ZNF354A: variants seen among roughly 807,000 people sequenced by gnomAD.
ZNF354A encodes the protein zinc finger protein 354A, also known as epididymis luminal protein 104.
Under a neutral mutation model 53.3 loss-of-function variants are expected in ZNF354A, and 25 were observed. The observed-to-expected ratio is 0.47, with a 90% CI of 0.34 to 0.66. ZNF354A has a LOEUF of 0.66. ZNF354A is among the 30% of genes least tolerant of loss of function. ZNF354A has a pLI of 0.01. For missense variants in ZNF354A, 586 were observed against 716.8 expected (o/e 0.82, Z 2.08); for synonymous variants, 228 against 249.0 (o/e 0.92, Z 0.79).
At chr5:178,719,455 G>A (rs1317334712) in intron 4 of ZNF354A, among the ~76,000 whole-genome samples, 1 of 152,216 alleles carries the variant, frequency 6.6e-6, no homozygotes, top group Non-Finnish European at 1.5e-5. Flanking sequence ...GCAGCAGGAC[G>A]CTGCTGGAGT....
At position 178,712,354 on chromosome 5, in the gene ZNF354A, T is replaced by C. The variant is rs113805764; in HGVS notation, c.1524A>G (p.Ser508=). The C allele has an allele frequency of 0.012, 18,649 of 1,598,600 alleles. 218 individuals carry two copies. The highest frequency in any genetic ancestry group is 0.023 in the Middle Eastern group (137 of 6,030). The change falls in exon 5 of 5, where the codon TCA becomes TCG. Residue 508 remains serine, a synonymous_variant. Transcript: ENST00000335815. Reference sequence around the variant, plus strand: ...TATGAATTCTCTGGTGATTACTAAGTGATGAGTTACACCTGAATGTTTTCC... The same window carrying C: ...TATGAATTCTCTGGTGATTACTAAGCGATGAGTTACACCTGAATGTTTTCC... The part of the protein sequence containing the change: ...ECGKTFRCNS[S]LSNHQRIHTG...
At chr5:178,724,083 A>G (rs1433731639) in intron 4 of ZNF354A, among the ~76,000 whole-genome samples, 1 of 151,806 alleles carries the variant, frequency 6.6e-6, no homozygotes, top group Non-Finnish European at 1.5e-5. Flanking sequence ...CTCAAGTGAA[A>G]TCCATCCCAC....
intron 4 of ZNF354A, among the ~76,000 whole-genome samples, chr5:178,714,241 G>C (rs1765676528): frequency 6.6e-6 from 1 of 152,058 alleles, no homozygotes; most frequent in African/African-American, 2.4e-5. Flanking sequence ...CTGACCTCAA[G>C]TGATCTACCC....
chr5:178,712,224 A>G lies in ZNF354A; in HGVS notation c.1654T>C (p.Cys552Arg), dbSNP rs147425602. Reference sequence around the variant, plus strand: ...CTAAAAGTTTTTCCACATGTATTACATTTAAAGGGTTTTTCTCCTGTATGA... The same window carrying G: ...CTAAAAGTTTTTCCACATGTATTACGTTTAAAGGGTTTTTCTCCTGTATGA... ...RIHTGEKPFK[C>R]NTCGKTFRQS... is the part of the protein sequence containing the mutation. Residue 552 changes from cysteine to arginine, a missense_variant, in exon 5 of 5, where the codon TGT becomes CGT. Physicochemically the swap from Cys to Arg is radical, Grantham distance 180. Coordinates refer to ENST00000335815, the MANE Select transcript of ZNF354A (RefSeq NM_005649.3). 3.3e-5 allele frequency: 54 copies of G among 1,614,012 alleles called. No homozygotes were observed. The highest frequency in any genetic ancestry group is 4.3e-5 in the Non-Finnish European group (51 of 1,180,010).
chr5:178,729,888 G>A (rs1431289635), intron 1 of ZNF354A, among the ~76,000 whole-genome samples: 8 of 89,016 alleles, frequency 9.0e-5, no homozygotes, highest in South Asian at 4.5e-4. Context: ...TTTTTGAGAC[G>A]GAGTCTCGCT....
chr5:178,719,146 G>T (rs1252137862), intron 4 of ZNF354A, among the ~76,000 whole-genome samples: 3 of 152,070 alleles, frequency 2.0e-5, no homozygotes, highest in Non-Finnish European at 4.4e-5. Flanking sequence ...ATTTCAAAAA[G>T]CATTGGTCAC....
chr5:178,727,263 GAAT>G, intron 2 of ZNF354A, 138 bp from the exon 3 acceptor site: 1 of 1,045,862 alleles, frequency 9.6e-7, no homozygotes, highest in Non-Finnish European at 1.3e-6. Context: ...TTCGTTTAAT[GAAT>G]AATTGGCCAG....
chr5:178,725,940 C>T (rs1434954502), intron 3 of ZNF354A: 14 of 255,938 alleles, frequency 5.5e-5, no homozygotes, highest in Admixed American at 4.9e-4. Context: ...CTCCGTCTCC[C>T]GGGTTCAAGT....
At chr5:178,715,163 A>C (rs1183003616) in intron 4 of ZNF354A, among the ~76,000 whole-genome samples, 14 of 152,262 alleles carry the variant, frequency 9.2e-5, no homozygotes, top group Admixed American at 8.5e-4. Flanking sequence ...ACGGTTATGC[A>C]CATAGTCTTA....
intron 4 of ZNF354A, among the ~76,000 whole-genome samples, chr5:178,720,021 C>G (rs1167456115): frequency 6.6e-6 from 1 of 152,156 alleles, no homozygotes; most frequent in Admixed American, 6.5e-5. Flanking sequence ...AAGGAGCAAT[C>G]TGCTGGGAAC....
At chr5:178,726,850 T>C in intron 3 of ZNF354A, 149 bp downstream of exon 3, 1 of 1,233,500 alleles carries the variant, frequency 8.1e-7, no homozygotes, top group Admixed American at 2.8e-5. Context: ...GGGGAATAGG[T>C]TTTTAATGTT....
At chr5:178,728,561 G>A (rs1033946265) in intron 2 of ZNF354A, among the ~76,000 whole-genome samples, 21 of 151,382 alleles carry the variant, frequency 1.4e-4, no homozygotes, top group Non-Finnish European at 2.2e-4. Flanking sequence ...AGGCTGAGGC[G>A]GGTGGATCAC....
In ZNF354A at chr5:178,725,452, T is replaced by C. The variant is rs2113883470; in HGVS notation, c.180A>G (p.Pro60=). 6.2e-7 allele frequency: 1 copy of C among 1,614,210 alleles called. No individual in the cohort carries two copies. Among genetic ancestry groups the C allele is most frequent in the East Asian group, 2.2e-5 (1 of 44,886 alleles). ...LVSLGLPFTK[P]KVISLLQQGE... ...CTTGCTGCAACAGGGAGATCACTTT[T>C]GGTTTGGTAAATGGGAGCCCTGCAC... The change falls in exon 4 of 5, where the codon CCA becomes CCG. Residue 60 remains proline (P), a synonymous_variant. Transcript: ENST00000335815.
intron 4 of ZNF354A, among the ~76,000 whole-genome samples, chr5:178,719,934 G>T (rs188912768): frequency 7.6e-6 from 1 of 131,132 alleles, no homozygotes; most frequent in African/African-American, 2.6e-5. Flanking sequence ...GCGACAGAGC[G>T]AGACTCCGTC....
intron 4 of ZNF354A, among the ~76,000 whole-genome samples, chr5:178,719,593 G>A (rs1355907537): frequency 6.6e-6 from 1 of 152,200 alleles, no homozygotes; most frequent in Non-Finnish European, 1.5e-5. Flanking sequence ...AGACTTATTT[G>A]CTGAAGTATC....
intron 3 of ZNF354A, chr5:178,726,117 C>T: frequency 6.6e-6 from 3 of 451,506 alleles, no homozygotes; most frequent in South Asian, 4.7e-5. Flanking sequence ...GCTGGGATTA[C>T]AGGTGTGAGC....
At chr5:178,719,508 C>T (rs1765769795) in intron 4 of ZNF354A, among the ~76,000 whole-genome samples, 1 of 152,154 alleles carries the variant, frequency 6.6e-6, no homozygotes. Flanking sequence ...TGAAAGGAAT[C>T]GCCATAGGCT....
chr5:178,728,793 AAAAAAAAG>A (rs1765965140), intron 2 of ZNF354A, among the ~76,000 whole-genome samples, 189 bp downstream of exon 2: 1 of 148,334 alleles, frequency 6.7e-6, no homozygotes, highest in South Asian at 2.2e-4. Flanking sequence ...AAAAAAAAAA[AAAAAAAAG>A]AGAACCACTA....
intron 4 of ZNF354A, among the ~76,000 whole-genome samples, 182 bp downstream of exon 4, chr5:178,725,194 A>T (rs34981407): frequency 6.6e-6 from 1 of 152,126 alleles, no homozygotes; most frequent in Non-Finnish European, 1.5e-5. Context: ...GGAAAGAGTA[A>T]GAAAGAGATT....
Sources: allele counts gnomAD v4.1 joint callset (sites outside exome capture counted in the v4.1 genomes callset), GRCh38; gene constraint gnomAD v4.1.1; transcripts MANE v1.5; gene names NCBI Gene and HGNC (gene_info 2026-07-23, HGNC 2026-07-21).